Variants in GOLPH3L observed in about 807,000 individuals in gnomAD.
GOLPH3L encodes golgi phosphoprotein 3 like.
A neutral mutation model predicts 30.3 loss-of-function variants in GOLPH3L; 22 were observed. The ratio of observed to expected loss-of-function variants is 0.73; its 90% CI spans 0.52 to 1.04. GOLPH3L has a LOEUF of 1.04. Ranked by LOEUF, GOLPH3L falls within the 50% of genes least tolerant of loss-of-function variation. The pLI, the probability that GOLPH3L is intolerant of heterozygous loss-of-function variation, is 0.00. For missense variants in GOLPH3L, 303 were observed against 345.8 expected, an observed-to-expected ratio of 0.88 and a Z score of 0.98; for synonymous variants, 120 against 128.2, an observed-to-expected ratio of 0.94 and a Z score of 0.43.
intron 2 of GOLPH3L, among the ~76,000 whole-genome samples, chr1:150,681,202 T>C (rs1287188907): frequency 6.6e-6 from 1 of 152,140 alleles, no homozygotes. Context: ...ATTAAGTCAA[T>C]ATTATCTCTA....
intron 2 of GOLPH3L, among the ~76,000 whole-genome samples, chr1:150,667,899 G>A (rs1030680693): frequency 3.3e-5 from 5 of 151,912 alleles, no homozygotes; most frequent in African/African-American, 9.7e-5. Context: ...CGGCCCACTA[G>A]TCTTTTCTTT....
At chr1:150,662,973 C>T (rs750653353) in intron 3 of GOLPH3L, among the ~76,000 whole-genome samples, 1 of 151,912 alleles carries the variant, frequency 6.6e-6, no homozygotes, top group Non-Finnish European at 1.5e-5. Context: ...GGAGAATAAC[C>T]AGGGTTAATC....
chr1:150,651,642 CAAAA>C (rs59940841), intron 4 of GOLPH3L, among the ~76,000 whole-genome samples: 1 of 60,850 alleles, frequency 1.6e-5, no homozygotes, highest in Non-Finnish European at 3.0e-5. Flanking sequence ...GAGCGAAACT[CAAAA>C]AAAAAAAAAA....
At chr1:150,656,447 C>T (rs925283458) in intron 4 of GOLPH3L, among the ~76,000 whole-genome samples, 3 of 152,134 alleles carry the variant, frequency 2.0e-5, no homozygotes, top group Non-Finnish European at 4.4e-5. Flanking sequence ...CTCACTAGCC[C>T]TCGGCAATTA....
At chr1:150,660,541 T>C (rs963496678) in intron 4 of GOLPH3L, among the ~76,000 whole-genome samples, 2 of 152,182 alleles carry the variant, frequency 1.3e-5, no homozygotes, top group Admixed American at 1.3e-4. Context: ...CAAGTGTCCA[T>C]CAACAGATGA....
rs141415142 is a variant in GOLPH3L at position 150,658,160 on chromosome 1, C to T, written c.430+3654G>A. On this transcript the variant is annotated intron_variant, in intron 4 of 4. Transcript: ENST00000271732. The stretch of plus-strand genomic sequence containing the variant: ...GAGGACCCCCCGGTTGCAGCCATGT[C>T]GAGACTGATGCTGAGGAGGACCCCA... 2.0e-3 allele frequency among the ~76,000 whole-genome samples: 304 copies of T among 152,306 alleles called. 2 individuals carry two copies. Among genetic ancestry groups the T allele is most frequent in the South Asian group, 3.5e-3 (17 of 4,826 alleles).
At chr1:150,695,759 T>G (rs966944667) in intron 1 of GOLPH3L, among the ~76,000 whole-genome samples, 46 of 152,300 alleles carry the variant, frequency 3.0e-4, no homozygotes, top group African/African-American at 9.9e-4. Flanking sequence ...GACGATAACA[T>G]TCAGAAAATC....
At chr1:150,649,942 G>A (rs1256325738) in intron 4 of GOLPH3L, among the ~76,000 whole-genome samples, 1 of 152,062 alleles carries the variant, frequency 6.6e-6, no homozygotes, top group Non-Finnish European at 1.5e-5. Context: ...AGCTGAGATT[G>A]TACCACTGCA....
chr1:150,683,874 AT>A (rs1651023626), intron 2 of GOLPH3L, among the ~76,000 whole-genome samples: 1 of 151,950 alleles, frequency 6.6e-6, no homozygotes, highest in African/African-American at 2.4e-5. Context: ...TTCATAACCT[AT>A]TTTTTCTAAA....
At chr1:150,682,294 C>T (rs190559346) in intron 2 of GOLPH3L, among the ~76,000 whole-genome samples, 332 of 151,842 alleles carry the variant, frequency 2.2e-3, no homozygotes, top group Non-Finnish European at 3.7e-3. Flanking sequence ...TATCTCACAC[C>T]CCAAGCAAGA....
chr1:150,672,513 C>T (rs972430564), intron 2 of GOLPH3L, among the ~76,000 whole-genome samples: 3 of 152,230 alleles, frequency 2.0e-5, no homozygotes, highest in South Asian at 2.1e-4. Context: ...TCACTGCAAC[C>T]TCTGCCTCCC....
chr1:150,692,782 T>TC (rs1651242837), intron 2 of GOLPH3L, among the ~76,000 whole-genome samples: 1 of 152,220 alleles, frequency 6.6e-6, no homozygotes, highest in Non-Finnish European at 1.5e-5. Flanking sequence ...TTATTCTATT[T>TC]CCTAAAATTT....
intron 2 of GOLPH3L, among the ~76,000 whole-genome samples, chr1:150,680,125 G>A (rs1469768552): frequency 1.3e-5 from 2 of 151,976 alleles, no homozygotes; most frequent in Admixed American, 1.3e-4. Context: ...TTAGATTGGA[G>A]GTAATAAGAT....
chr1:150,649,730 G>A (rs1557778685), intron 4 of GOLPH3L, among the ~76,000 whole-genome samples: 1 of 152,148 alleles, frequency 6.6e-6, no homozygotes, highest in Non-Finnish European at 1.5e-5. Context: ...TCAAAAAAGG[G>A]TGGATGCTTC....
At chr1:150,676,721 G>A (rs1379082550) in intron 2 of GOLPH3L, among the ~76,000 whole-genome samples, 1 of 146,482 alleles carries the variant, frequency 6.8e-6, no homozygotes, top group Non-Finnish European at 1.5e-5. Context: ...TTGGCTCACT[G>A]CAACCTCCGC....
intron 2 of GOLPH3L, among the ~76,000 whole-genome samples, chr1:150,671,620 A>C (rs921504626): frequency 6.6e-6 from 1 of 152,158 alleles, no homozygotes; most frequent in African/African-American, 2.4e-5. Context: ...AGCCTGGCCA[A>C]CATGGTGAAA....
chr1:150,685,369 T>G (rs1287153487), intron 2 of GOLPH3L, among the ~76,000 whole-genome samples: 3 of 152,186 alleles, frequency 2.0e-5, no homozygotes, highest in Non-Finnish European at 4.4e-5. Context: ...ATGCCAAATA[T>G]TATTGTGAAA....
chr1:150,666,023 T>C (rs1650491971), intron 2 of GOLPH3L, among the ~76,000 whole-genome samples: 1 of 152,090 alleles, frequency 6.6e-6, no homozygotes, highest in South Asian at 2.1e-4. Context: ...AATCTATCTT[T>C]CTTATTGATT....
Position 150,646,883 on chromosome 1 carries a change from T to A in GOLPH3L, c.*1438A>T, listed in dbSNP as rs1009606969. On this transcript the variant is annotated 3_prime_UTR_variant, in exon 5 of 5. Transcript: ENST00000271732. ...TCAAATACTGGACTTTATATCAGCA[T>A]GCTTTCAATACCAAATTAGCCCTTT... 3.9e-5 allele frequency: 6 copies of A among 152,224 alleles called. No individual in the cohort carries two copies. Among genetic ancestry groups the A allele is most frequent in the African/African-American group, 1.4e-4 (6 of 41,470 alleles). The allele number at this position is 152,224 out of a possible 1,614,324, so 9.4% of individuals were successfully genotyped here. A position where few individuals can be genotyped will look rare whatever the true frequency, so the allele number is the denominator to read the frequency against.
Sources: allele counts gnomAD v4.1 joint callset (sites outside exome capture counted in the v4.1 genomes callset), GRCh38; gene constraint gnomAD v4.1.1; transcripts MANE v1.5; gene names NCBI Gene and HGNC (gene_info 2026-07-23, HGNC 2026-07-21).